The following MYH13 variants were observed in gnomAD, a reference collection of about 807,000 sequenced individuals.
MYH13 encodes the protein myosin-13.
A neutral mutation model predicts 232.1 loss-of-function variants in MYH13; 177 were observed. That is an observed-to-expected ratio of 0.76 (90% CI 0.67 to 0.86). The LOEUF is 0.86. Among genes scored for constraint, MYH13 ranks in the 40% least tolerant of loss-of-function variants. The pLI is 0.00. For missense variants in MYH13, 2,246 were observed against 2,405.9 expected, an observed-to-expected ratio of 0.93 and a Z score of 1.39; for synonymous variants, 884 against 923.5, an observed-to-expected ratio of 0.96 and a Z score of 0.78.
At chr17:10,350,783 A>G (rs2071703504) in intron 11 of MYH13, 89 bp from the exon 12 acceptor site, 5 of 1,528,016 alleles carry the variant, frequency 3.3e-6, no homozygotes, top group East Asian at 4.5e-5. Context: ...TCTTTTTTGT[A>G]TAGCATATGA....
At chr17:10,348,299 G>A (rs1043437945) in intron 12 of MYH13, among the ~76,000 whole-genome samples, 2 of 152,340 alleles carry the variant, frequency 1.3e-5, no homozygotes, top group Non-Finnish European at 2.9e-5. Flanking sequence ...CTCTCAAAAT[G>A]CCTGGCCTCT....
intron 18 of MYH13, among the ~76,000 whole-genome samples, chr17:10,335,997 G>A (rs534495544): frequency 6.6e-6 from 1 of 152,302 alleles, no homozygotes; most frequent in East Asian, 1.9e-4. Context: ...TGTCCATCCT[G>A]TTAGGGGTCG....
chr17:10,301,507 C>T, intron 40 of MYH13, 62 bp downstream of exon 40: 1 of 1,604,218 alleles, frequency 6.2e-7, no homozygotes, highest in Non-Finnish European at 8.5e-7. Flanking sequence ...TCGCTCTTAC[C>T]TGGCCCCCAT....
At chr17:10,332,696 T>G (rs1166327327) in intron 19 of MYH13, among the ~76,000 whole-genome samples, 2 of 152,144 alleles carry the variant, frequency 1.3e-5, no homozygotes, top group African/African-American at 2.4e-5. Context: ...GAGTTTTGAT[T>G]GTCACAGCTC....
At chr17:10,362,764 G>A (rs1189847131) in intron 3 of MYH13, among the ~76,000 whole-genome samples, 3 of 152,140 alleles carry the variant, frequency 2.0e-5, no homozygotes, top group Non-Finnish European at 2.9e-5. Flanking sequence ...GTGGGTTACA[G>A]GTGTGCAGAG....
chr17:10,308,443 C>T (rs1597883049), intron 35 of MYH13, among the ~76,000 whole-genome samples: 2 of 113,106 alleles, frequency 1.8e-5, no homozygotes, highest in Non-Finnish European at 1.7e-5. Flanking sequence ...TTAATTAAAA[C>T]TTTTTTTTTT....
intron 40 of MYH13, 21 bp downstream of exon 40, chr17:10,301,548 A>G (rs780295971): frequency 1.2e-6 from 2 of 1,613,682 alleles, no homozygotes; most frequent in East Asian, 2.2e-5. Flanking sequence ...TGGCCCCTAT[A>G]TCTCAGGTAC....
chr17:10,327,907 G>C lies in MYH13; in HGVS notation c.2650C>G (p.Leu884Val). Reference protein sequence around the residue: ...RKELEEKMVSLLQEKNDLQLQ... With the variant: ...RKELEEKMVSVLQEKNDLQLQ... Reference sequence around the variant, plus strand: ...TGGAGGTCATTCTTCTCCTGCAGGAGGGAGACCATTTTCTCCTCCAGCTCC... The same window carrying C: ...TGGAGGTCATTCTTCTCCTGCAGGACGGAGACCATTTTCTCCTCCAGCTCC... Residue 884 changes from leucine (L) to valine (V), a missense_variant, in exon 22 of 41, where the codon CTC becomes GTC. By Grantham distance (32) the Leu-to-Val change is conservative. Coordinates refer to ENST00000252172, the MANE Select transcript of MYH13 (RefSeq NM_003802.3). 1 of 1,613,782 alleles carries C rather than the reference G, an allele frequency of 6.2e-7. No homozygotes were observed.
rs538373772 is a variant in MYH13, at chr17:10,350,876, G to T, written c.1006-182C>A. 4 of 765,892 alleles carry T rather than the reference G, an allele frequency of 5.2e-6. No individual in the cohort carries two copies. The South Asian group carries it at 5.8e-5, about 11-fold the overall frequency. The allele number at this position is 765,892 out of a possible 1,614,324, so 47.4% of individuals were successfully genotyped here. On this transcript the variant is annotated intron_variant, in intron 11 of 40. Coordinates refer to ENST00000252172, the MANE Select transcript of MYH13 (RefSeq NM_003802.3). ...TTTGTTTCACGTGTTTGTGTGGGTG[G>T]GTGAAGACTATGGGAAAAAGATGTG...
At chr17:10,330,935 T>C (rs890524297) in intron 20 of MYH13, among the ~76,000 whole-genome samples, 12 of 152,048 alleles carry the variant, frequency 7.9e-5, no homozygotes, top group Non-Finnish European at 1.5e-5. Context: ...GAGCATCACT[T>C]GAGCCTGGGA....
intron 18 of MYH13, among the ~76,000 whole-genome samples, chr17:10,339,746 A>C (rs547718535): frequency 1.2e-4 from 18 of 152,354 alleles, no homozygotes; most frequent in Middle Eastern, 3.4e-3. Flanking sequence ...TTTTAGAGGA[A>C]GTATATTCCA....
rs370461963 is a variant in MYH13 at position 10,316,115 on chromosome 17, G to A, written c.3739-90C>T. The A allele has an allele frequency of 1.7e-5, 24 of 1,439,578 alleles. 1 individual carries two copies. Among genetic ancestry groups the A allele is most frequent in the Middle Eastern group, 1.8e-4 (1 of 5,560 alleles). The allele number at this position is 1,439,578 out of a possible 1,614,324, so 89.2% of individuals were successfully genotyped here. On this transcript the variant is annotated intron_variant, in intron 27 of 40. Coordinates refer to ENST00000252172, the MANE Select transcript of MYH13 (RefSeq NM_003802.3). ...GAACAGTGTAATCATTTAGTTTCTTGTCAGGTAAAATAAAAATAAAAGTAC... is the reference window on the plus strand; with the variant it reads ...GAACAGTGTAATCATTTAGTTTCTTATCAGGTAAAATAAAAATAAAAGTAC...
intron 12 of MYH13, among the ~76,000 whole-genome samples, chr17:10,348,304 G>T (rs1160051375): frequency 6.6e-6 from 1 of 152,202 alleles, no homozygotes; most frequent in Admixed American, 6.5e-5. Context: ...AAAATGCCTG[G>T]CCTCTCCACT....
At chr17:10,323,594 C>T (rs562416663) in intron 23 of MYH13, among the ~76,000 whole-genome samples, 4 of 151,670 alleles carry the variant, frequency 2.6e-5, no homozygotes, top group African/African-American at 7.3e-5. Flanking sequence ...TCCGTCTCTA[C>T]TAAAAATACA....
At position 10,367,638 on chromosome 17, in the gene MYH13, C is replaced by T. The variant is rs141193889; in HGVS notation, c.-12-3096G>A. Among the ~76,000 whole-genome samples the T allele has an allele frequency of 2.9e-4, 44 of 152,232 alleles. 1 individual carries two copies. In the East Asian group the frequency reaches 8.1e-3, roughly 28 times the overall value. On this transcript the variant is annotated intron_variant, in intron 2 of 40. Transcript: ENST00000252172. ...TGCTGGGATTAAAGGCATGAGCCAC[C>T]GTGCCTGGCCAACATAAATATTTTA...
chr17:10,311,021 AG>A (rs1452983222), intron 33 of MYH13, 81 bp downstream of exon 33: 1 of 1,548,022 alleles, frequency 6.5e-7, no homozygotes, highest in African/African-American at 1.4e-5. Context: ...CTGGCAGGAA[AG>A]GCCCCATGGG....
rs1906407867 is a variant in MYH13, at chr17:10,309,312, T to C, written c.5091A>G (p.Glu1697=). 1.2e-6 allele frequency: 2 copies of C among 1,613,950 alleles called. No homozygotes were observed. The highest frequency in any genetic ancestry group is 1.7e-6 in the Non-Finnish European group (2 of 1,179,842). ...EELEEMKVAL[E]QTERTRRLSE... Reference sequence around the variant, plus strand: ...ACAGCCTGCGGGTCCGCTCCGTCTGTTCCAGGGCCACCTTCATTTCCTCCA... The same window carrying C: ...ACAGCCTGCGGGTCCGCTCCGTCTGCTCCAGGGCCACCTTCATTTCCTCCA... The change falls in exon 35 of 41, where the codon GAA becomes GAG. Residue 1697 remains glutamate (E), a synonymous_variant. Transcript: ENST00000252172.
At chr17:10,310,315 T>C (rs1180193522) in intron 33 of MYH13, among the ~76,000 whole-genome samples, 1 of 152,126 alleles carries the variant, frequency 6.6e-6, no homozygotes, top group Non-Finnish European at 1.5e-5. Context: ...GGTCTCGAAC[T>C]CCTGACCTTC....
rs529780511 is a variant in MYH13, at chr17:10,364,028, G to A, written c.204+299C>T. Among the ~76,000 whole-genome samples, 38 of 152,178 alleles carry A rather than the reference G, an allele frequency of 2.5e-4. 2 individuals are homozygous for A. The South Asian group carries it at 7.3e-3, about 29-fold the overall frequency. On this transcript the variant is annotated intron_variant, in intron 3 of 40. Coordinates refer to ENST00000252172, the MANE Select transcript of MYH13 (RefSeq NM_003802.3). ...GCAGCCCAGAGAGGTATAATTGGTC[G>A]GCCCATCCAGTATCAGCCTCTTCCT...
Sources: allele counts gnomAD v4.1 joint callset (sites outside exome capture counted in the v4.1 genomes callset), GRCh38; gene constraint gnomAD v4.1.1; transcripts MANE v1.5; gene names NCBI Gene and HGNC (gene_info 2026-07-23, HGNC 2026-07-21).